The following PTCSC3 variants were observed in gnomAD, a reference collection of about 807,000 sequenced individuals.
The protein encoded by PTCSC3 is papillary thyroid carcinoma susceptibility candidate 3.
intron 3 of PTCSC3, among the ~76,000 whole-genome samples, chr14:36,153,077 A>G (rs1387344380): frequency 6.6e-6 from 1 of 152,182 alleles, no homozygotes; most frequent in Admixed American, 6.5e-5. Flanking sequence ...GAAGTCTGAG[A>G]TTAGGATTCC....
At chr14:36,150,988 T>C (rs537580659) in intron 3 of PTCSC3, among the ~76,000 whole-genome samples, 36 of 152,332 alleles carry the variant, frequency 2.4e-4, no homozygotes, top group African/African-American at 8.2e-4. Context: ...CCTTTGTTCA[T>C]GTAAATGCAA....
At chr14:36,152,139 T>C (rs935806055) in intron 3 of PTCSC3, among the ~76,000 whole-genome samples, 1 of 152,000 alleles carries the variant, frequency 6.6e-6, no homozygotes, top group Non-Finnish European at 1.5e-5. Flanking sequence ...TAGATATAAA[T>C]ATAAAAGGTA....
At position 36,142,572 on chromosome 14, in the gene PTCSC3, A is replaced by G. The variant is rs116768592; in HGVS notation, n.323-6216T>C. 1.3e-3 allele frequency among the ~76,000 whole-genome samples: 196 copies of G among 151,958 alleles called. 1 individual carries two copies. The highest frequency in any genetic ancestry group is 4.6e-3 in the African/African-American group (190 of 41,414). Reference sequence around the variant, plus strand: ...AAGAATTGTTATCATTTCTTTCTTAAATGTTTGGTAGAATTCACCAGTGAG... The same window carrying G: ...AAGAATTGTTATCATTTCTTTCTTAGATGTTTGGTAGAATTCACCAGTGAG... On this transcript the variant is annotated intron_variant and non_coding_transcript_variant, in intron 3 of 3. Coordinates refer to ENST00000556013, the Ensembl canonical transcript of PTCSC3.
At chr14:36,151,616 T>C (rs968803581) in intron 3 of PTCSC3, among the ~76,000 whole-genome samples, 9 of 152,210 alleles carry the variant, frequency 5.9e-5, no homozygotes, top group African/African-American at 1.7e-4. Flanking sequence ...CTTTCTCTTC[T>C]CTTTGGTGGG....
intron 3 of PTCSC3, among the ~76,000 whole-genome samples, chr14:36,151,629 A>G (rs1881726400): frequency 6.6e-6 from 1 of 152,126 alleles, no homozygotes; most frequent in Non-Finnish European, 1.5e-5. Context: ...TTGGTGGGCT[A>G]TACTCCCTGG....
intron 3 of PTCSC3, among the ~76,000 whole-genome samples, chr14:36,143,028 G>A (rs1425324157): frequency 6.6e-6 from 1 of 151,912 alleles, no homozygotes; most frequent in Non-Finnish European, 1.5e-5. Context: ...TGGTGTGTAT[G>A]TGCCACATTT....
intron 3 of PTCSC3, among the ~76,000 whole-genome samples, chr14:36,147,346 G>A (rs866243036): frequency 1.3e-5 from 2 of 152,056 alleles, no homozygotes; most frequent in Non-Finnish European, 1.5e-5. Flanking sequence ...ATATTTCTTG[G>A]AGGCTTTGCT....
At chr14:36,145,356 C>T (rs532714576) in intron 3 of PTCSC3, among the ~76,000 whole-genome samples, 1 of 151,442 alleles carries the variant, frequency 6.6e-6, no homozygotes, top group Admixed American at 6.6e-5. Flanking sequence ...TTGGTCTATT[C>T]AGAGATTCAA....
upstream of PTCSC3, among the ~76,000 whole-genome samples, chr14:36,176,657 G>A (rs954006816): frequency 6.6e-6 from 1 of 151,970 alleles, no homozygotes; most frequent in Non-Finnish European, 1.5e-5. Flanking sequence ...AGTTTGTACT[G>A]GGGCCTGGCC....
intron 3 of PTCSC3, among the ~76,000 whole-genome samples, chr14:36,143,940 C>G (rs989270886): frequency 1.9e-4 from 29 of 151,702 alleles, no homozygotes; most frequent in Non-Finnish European, 3.2e-4. Flanking sequence ...GCTTGTTTTT[C>G]TCAGGTTTGT....
At chr14:36,150,912 A>G (rs755637082) in intron 3 of PTCSC3, among the ~76,000 whole-genome samples, 1 of 149,678 alleles carries the variant, frequency 6.7e-6, no homozygotes, top group African/African-American at 2.4e-5. Context: ...TATATATTAC[A>G]TAAGATATGA....
intron 3 of PTCSC3, among the ~76,000 whole-genome samples, chr14:36,140,650 C>G (rs1336332152): frequency 6.6e-6 from 1 of 152,136 alleles, no homozygotes; most frequent in Non-Finnish European, 1.5e-5. Context: ...AGTGTCTGTT[C>G]AGATAGTTCA....
At chr14:36,148,779 AT>A (rs1248386271) in intron 3 of PTCSC3, among the ~76,000 whole-genome samples, 1 of 152,114 alleles carries the variant, frequency 6.6e-6, no homozygotes, top group African/African-American at 2.4e-5. Context: ...GAATTAGCCC[AT>A]TTTATCTAAA....
At chr14:36,144,169 A>G (rs1463293579) in intron 3 of PTCSC3, among the ~76,000 whole-genome samples, 1 of 151,756 alleles carries the variant, frequency 6.6e-6, no homozygotes, top group African/African-American at 2.4e-5. Context: ...TATGAACTTT[A>G]AAGTAGTTTT....
At chr14:36,148,987 T>G (rs1022733505) in intron 3 of PTCSC3, among the ~76,000 whole-genome samples, 3 of 152,066 alleles carry the variant, frequency 2.0e-5, no homozygotes, top group Non-Finnish European at 2.9e-5. Context: ...TTCCCCTTTT[T>G]CAATTTTGTT....
intron 1 of PTCSC3, among the ~76,000 whole-genome samples, chr14:36,169,434 G>A (rs1882153875): frequency 6.6e-6 from 1 of 152,096 alleles, no homozygotes; most frequent in South Asian, 2.1e-4. Flanking sequence ...GAGAGAGAAT[G>A]GAGAAAATGG....
intron 1 of PTCSC3, among the ~76,000 whole-genome samples, chr14:36,167,079 G>T (rs771949086): frequency 6.6e-6 from 1 of 152,076 alleles, no homozygotes; most frequent in Non-Finnish European, 1.5e-5. Flanking sequence ...TTCTATGGCC[G>T]AGAAGGTCAA....
chr14:36,162,258 G>GAAAAAAAAAAAAAAAAAAAAAAAAAAAA (rs58223160), intron 2 of PTCSC3, among the ~76,000 whole-genome samples: 2 of 106,554 alleles, frequency 1.9e-5, no homozygotes, highest in Admixed American at 1.0e-4. Context: ...CTGGGGTATG[G>GAAAAAAAAAAAAAAAAAAAAAAAAAAAA]AAAAAAAAAA....
intron 2 of PTCSC3, among the ~76,000 whole-genome samples, chr14:36,161,215 T>C (rs556719692): frequency 2.6e-4 from 39 of 152,302 alleles, no homozygotes; most frequent in African/African-American, 8.4e-4. Flanking sequence ...CTGAAGCCTA[T>C]TTCTGTCAAT....
Sources: gnomAD v4.1 joint callset for allele counts (sites outside exome capture counted in the v4.1 genomes callset) on GRCh38, gnomAD v4.1.1 for gene constraint, MANE v1.5 for transcripts, NCBI Gene and HGNC (gene_info 2026-07-23, HGNC 2026-07-21) for gene names.